The following CD200 variants were observed in gnomAD, a reference collection of about 807,000 sequenced individuals.
The protein encoded by CD200 is OX-2 membrane glycoprotein.
Under a neutral mutation model 30.9 loss-of-function variants are expected in CD200, and 15 were observed. The ratio of observed to expected loss-of-function variants is 0.49; its 90% CI spans 0.32 to 0.75. The LOEUF is 0.75. Among genes scored for constraint, CD200 ranks in the 30% least tolerant of loss-of-function variants. The pLI is 0.03. For synonymous variants in CD200, 134 were observed against 126.2 expected, an observed-to-expected ratio of 1.06 and a Z score of -0.41; for missense variants, 262 against 324.2, an observed-to-expected ratio of 0.81 and a Z score of 1.47.
At chr3:112,339,954 A>AT (rs1168793477) in intron 1 of CD200, among the ~76,000 whole-genome samples, 5 of 152,176 alleles carry the variant, frequency 3.3e-5, no homozygotes, top group Non-Finnish European at 5.9e-5. Context: ...AATGCTAGAG[A>AT]TTGGGACAAT....
rs747824465 is a variant in CD200 at position 112,344,957 on chromosome 3, C to T, written c.95-5C>T. The T allele has an allele frequency of 1.9e-5, 30 of 1,589,120 alleles. No individual in the cohort carries two copies. The Admixed American group carries it at 5.3e-4, about 28-fold the overall frequency. On this transcript the variant is annotated splice_region_variant and splice_polypyrimidine_tract_variant and intron_variant, in intron 2 of 5. Transcript: ENST00000315711. The stretch of plus-strand genomic sequence containing the variant: ...AAATATAAATGTTCTTTTATGATTC[C>T]ATAGTGCAAGTGGTGACCCAGGATG...
chr3:112,343,657 T>G (rs2081319625), intron 2 of CD200, among the ~76,000 whole-genome samples: 1 of 152,212 alleles, frequency 6.6e-6, no homozygotes, highest in Admixed American at 6.5e-5. Context: ...TTTAAATATA[T>G]TAAATTGAAG....
chr3:112,360,476 G>C (rs1036931776), intron 5 of CD200, among the ~76,000 whole-genome samples: 1 of 152,000 alleles, frequency 6.6e-6, no homozygotes, highest in Non-Finnish European at 1.5e-5. Context: ...TCTATGATAA[G>C]AATTTGACAG....
upstream of CD200, chr3:112,332,611 A>AAGAAGG (rs887966150): frequency 1.0e-5 from 2 of 199,340 alleles, no homozygotes; most frequent in South Asian, 9.0e-5. Flanking sequence ...GAAGAAGGAG[A>AAGAAGG]AGAAGGAGAA....
chr3:112,340,774 C>A, intron 1 of CD200, 128 bp from the exon 2 acceptor site: 1 of 649,232 alleles, frequency 1.5e-6, no homozygotes, highest in South Asian at 1.9e-5. Context: ...TCTGCTCCCA[C>A]AAAACCAAAA....
At chr3:112,359,802 G>A (rs1576629930) in intron 5 of CD200, among the ~76,000 whole-genome samples, 2 of 152,140 alleles carry the variant, frequency 1.3e-5, no homozygotes, top group African/African-American at 2.4e-5. Flanking sequence ...ATTAAAACAC[G>A]AGATTTTAGC....
At chr3:112,345,394 G>T (rs1194995300) in intron 3 of CD200, 106 bp downstream of exon 3, 1 of 867,180 alleles carries the variant, frequency 1.2e-6, no homozygotes, top group Non-Finnish European at 1.8e-6. Flanking sequence ...CCACAGAAAG[G>T]GTCATGAGAA....
intron 1 of CD200, among the ~76,000 whole-genome samples, chr3:112,339,025 T>TG (rs2081181492): frequency 1.3e-5 from 2 of 152,346 alleles, no homozygotes; most frequent in South Asian, 4.1e-4. Context: ...ATAGATTATA[T>TG]GAAATATTGG....
chr3:112,337,355 A>G (rs1272065906), intron 1 of CD200, among the ~76,000 whole-genome samples: 2 of 152,196 alleles, frequency 1.3e-5, no homozygotes, highest in Non-Finnish European at 2.9e-5. Flanking sequence ...AAGACCTTAC[A>G]TAAATACAAG....
chr3:112,333,121 A>T, upstream of CD200: 1 of 1,530,812 alleles, frequency 6.5e-7, no homozygotes, highest in Non-Finnish European at 8.8e-7. Context: ...GAGGTGCGGC[A>T]GGGGCACAGG....
Sources: allele counts gnomAD v4.1 joint callset (sites outside exome capture counted in the v4.1 genomes callset), GRCh38; gene constraint gnomAD v4.1.1; transcripts MANE v1.5; gene names NCBI Gene and HGNC (gene_info 2026-07-23, HGNC 2026-07-21).